The following MPP7 variants were observed in gnomAD, a reference collection of about 807,000 sequenced individuals.
MPP7 encodes the protein MAGUK p55 subfamily member 7.
Under a neutral mutation model 76.5 loss-of-function variants are expected in MPP7, and 60 were observed. The observed-to-expected ratio is 0.78, with a 90% CI of 0.64 to 0.97. The LOEUF (loss-of-function observed/expected upper bound fraction) is 0.97. MPP7 is among the 50% of genes least tolerant of loss of function. MPP7 has a pLI of 0.00. For synonymous variants in MPP7, 237 were observed against 244.5 expected (o/e 0.97, Z 0.29); for missense variants, 641 against 694.0 (o/e 0.92, Z 0.86).
chr10:28,204,867 T>TACA (rs1241292534), intron 2 of MPP7, among the ~76,000 whole-genome samples: 2 of 152,212 alleles, frequency 1.3e-5, no homozygotes, highest in South Asian at 2.1e-4. Context: ...TGCAATTGGA[T>TACA]ACAATACCAT....
intron 1 of MPP7, among the ~76,000 whole-genome samples, chr10:28,241,198 A>G (rs1839257272): frequency 6.6e-6 from 1 of 152,078 alleles, no homozygotes; most frequent in Non-Finnish European, 1.5e-5. Flanking sequence ...AATACTAAAG[A>G]CCTTACATTC....
intron 1 of MPP7, among the ~76,000 whole-genome samples, chr10:28,268,560 C>G (rs1281912982): frequency 6.6e-6 from 1 of 151,904 alleles, no homozygotes; most frequent in Non-Finnish European, 1.5e-5. Context: ...GGTGAAACCC[C>G]GTCTCTACTA....
chr10:28,067,868 C>CA (rs1208891677), intron 13 of MPP7, among the ~76,000 whole-genome samples: 2 of 151,702 alleles, frequency 1.3e-5, no homozygotes, highest in Non-Finnish European at 2.9e-5. Flanking sequence ...GAACTGGTAT[C>CA]AAAAAAAACT....
intron 3 of MPP7, among the ~76,000 whole-genome samples, chr10:28,195,678 G>C (rs1837557367): frequency 1.3e-5 from 2 of 152,152 alleles, no homozygotes; most frequent in South Asian, 2.1e-4. Flanking sequence ...TTCCAGGATA[G>C]GCAAATACAT....
In MPP7 at chr10:28,172,371, T is replaced by G. The variant is rs150542786; in HGVS notation, c.157-22312A>C. ...TATTCAATCCTCTCCCACTGCTGAT[T>G]TATGTAGGAAGGTTAAACAGCTCCA... On this transcript the variant is annotated intron_variant, in intron 3 of 16. Coordinates refer to ENST00000683449, the MANE Select transcript of MPP7 (RefSeq NM_001318170.2). Among the ~76,000 whole-genome samples, 13 of 152,296 alleles carry G rather than the reference T, an allele frequency of 8.5e-5. No homozygotes were observed. In the East Asian group the frequency reaches 2.1e-3, roughly 25 times the overall value.
chr10:28,323,903 A>T (rs900510351), intron 2 of MPP7, among the ~76,000 whole-genome samples: 1 of 152,134 alleles, frequency 6.6e-6, no homozygotes, highest in African/African-American at 2.4e-5. Context: ...ATATTATTAA[A>T]TATCTACTAT....
At chr10:28,078,972 C>T (rs768943658) in intron 12 of MPP7, among the ~76,000 whole-genome samples, 1 of 152,090 alleles carries the variant, frequency 6.6e-6, no homozygotes, top group African/African-American at 2.4e-5. Context: ...TTATGTTTAT[C>T]TTAAAAAGGT....
At chr10:28,253,592 T>C (rs1839686967) in intron 1 of MPP7, among the ~76,000 whole-genome samples, 1 of 152,210 alleles carries the variant, frequency 6.6e-6, no homozygotes, top group South Asian at 2.1e-4. Flanking sequence ...TGATAGGTCC[T>C]ATGTAGATTC....
chr10:28,155,602 A>C (rs1053203100), intron 3 of MPP7, among the ~76,000 whole-genome samples: 12 of 150,800 alleles, frequency 8.0e-5, no homozygotes, highest in Non-Finnish European at 1.5e-4. Flanking sequence ...TGTCTCCAAA[A>C]AAAAAAAGAA....
At chr10:28,082,693 T>A (rs1292713551) in intron 12 of MPP7, among the ~76,000 whole-genome samples, 1 of 152,190 alleles carries the variant, frequency 6.6e-6, no homozygotes, top group Non-Finnish European at 1.5e-5. Context: ...GGGCTTGAAC[T>A]CCTGGCCTCC....
rs747134731 is a variant in MPP7, at chr10:28,069,855, G to A, written c.1124-3C>T. The A allele has an allele frequency of 6.2e-7, 1 of 1,612,146 alleles. No individual in the cohort carries two copies. The highest frequency in any genetic ancestry group is 8.5e-7 in the Non-Finnish European group (1 of 1,178,614). ...ATTCAGCCCTACTCCCACGGGACCT[G>A]AAAAACAGGGTAACAGAAATTCATT... On this transcript the variant is annotated splice_polypyrimidine_tract_variant and splice_region_variant and intron_variant, in intron 12 of 16. Transcript: ENST00000683449.
Position 28,285,127 on chromosome 10 carries a change from C to T in MPP7, c.-132+17734G>A, listed in dbSNP as rs77960883. ...CTAAGGGACTAATCTAAGAGACCAG[C>T]TCATAATATTGAAAACTGATGTTAA... On this transcript the variant is annotated intron_variant, in intron 1 of 16. Coordinates refer to ENST00000683449, the MANE Select transcript of MPP7 (RefSeq NM_001318170.2). Among the ~76,000 whole-genome samples the T allele has an allele frequency of 9.3e-3, 1,423 of 152,288 alleles. 19 individuals are homozygous for T. The highest frequency in any genetic ancestry group is 0.032 in the African/African-American group (1,337 of 41,546).
chr10:28,260,785 A>G (rs1329655171), intron 1 of MPP7, among the ~76,000 whole-genome samples: 1 of 151,740 alleles, frequency 6.6e-6, no homozygotes, highest in African/African-American at 2.4e-5. Flanking sequence ...AAAAAAAAAA[A>G]AAAAAAAAAT....
intron 2 of MPP7, among the ~76,000 whole-genome samples, chr10:28,226,074 T>C (rs1462023176): frequency 6.6e-6 from 1 of 152,194 alleles, no homozygotes; most frequent in Non-Finnish European, 1.5e-5. Flanking sequence ...AATTAATTTC[T>C]GATACATGCT....
At chr10:28,086,871 C>A (rs1468097622) in intron 12 of MPP7, among the ~76,000 whole-genome samples, 1 of 152,152 alleles carries the variant, frequency 6.6e-6, no homozygotes, top group Non-Finnish European at 1.5e-5. Flanking sequence ...AAGGCAACAA[C>A]CTAGGGACTC....
chr10:28,121,618 C>A (rs1834843395), intron 8 of MPP7, among the ~76,000 whole-genome samples: 1 of 151,982 alleles, frequency 6.6e-6, no homozygotes, highest in Non-Finnish European at 1.5e-5. Flanking sequence ...TCTCTTTTTA[C>A]CATGTATTGT....
intron 2 of MPP7, among the ~76,000 whole-genome samples, chr10:28,319,702 A>G (rs1232724370): frequency 6.6e-6 from 1 of 152,136 alleles, no homozygotes; most frequent in Non-Finnish European, 1.5e-5. Context: ...GTGGCTAGGC[A>G]TTGTAGCTTA....
At chr10:28,159,547 C>A (rs1275342272) in intron 3 of MPP7, among the ~76,000 whole-genome samples, 1 of 152,176 alleles carries the variant, frequency 6.6e-6, no homozygotes, top group Non-Finnish European at 1.5e-5. Context: ...CTCCTATCAG[C>A]TCCTGCATCC....
chr10:28,113,080 G>A (rs769537619), intron 11 of MPP7, among the ~76,000 whole-genome samples: 71 of 151,912 alleles, frequency 4.7e-4, no homozygotes, highest in Non-Finnish European at 3.7e-4. Context: ...GACTCACTCC[G>A]TGACCTCTAC....
Sources: allele counts gnomAD v4.1 joint callset (sites outside exome capture counted in the v4.1 genomes callset), GRCh38; gene constraint gnomAD v4.1.1; transcripts MANE v1.5; gene names NCBI Gene and HGNC (gene_info 2026-07-23, HGNC 2026-07-21).